Variants in RSRP1 observed in about 807,000 individuals in gnomAD.
RSRP1 encodes the protein arginine/serine-rich protein 1.
RSRP1 carries 37 observed loss-of-function variants against 33.0 expected under a neutral mutation model. The ratio of observed to expected loss-of-function variants is 1.12; its 90% CI spans 0.86 to 1.48. The LOEUF is 1.48. Ranked by LOEUF, RSRP1 falls within the 40% of genes most tolerant of loss-of-function variation. The probability of loss-of-function intolerance (pLI) is 0.00; values close to 1 mark genes in which losing one functional copy is unlikely to be tolerated. For missense variants in RSRP1, 402 were observed against 385.3 expected (o/e 1.04, Z -0.36); for synonymous variants, 167 against 158.7 (o/e 1.05, Z -0.40).
chr1:25,290,681 T>C, intron 1 of RSRP1: 1 of 1,378,564 alleles, frequency 7.3e-7, no homozygotes, highest in Non-Finnish European at 1.0e-6. Flanking sequence ...GGTGCTGATC[T>C]CAGTGGATGC....
rs996825220 is a variant in RSRP1 at position 25,270,548 on chromosome 1, C to T, written c.-66-23519G>A. Among the ~76,000 whole-genome samples, 9 of 131,954 alleles carry T rather than the reference C, an allele frequency of 6.8e-5. 2 individuals are homozygous for T. Among genetic ancestry groups the T allele is most frequent in the African/African-American group, 2.3e-4 (9 of 38,622 alleles). The allele number at this position is 131,954 out of a possible 152,430, so 86.6% of individuals were successfully genotyped here. ...GAGGTGGAACAGTTTCATCCCCAAACCATCCCTCCAACCTCACCCCGGTCC... is the reference window on the plus strand; with the variant it reads ...GAGGTGGAACAGTTTCATCCCCAAATCATCCCTCCAACCTCACCCCGGTCC... On this transcript the variant is annotated intron_variant, in intron 1 of 1. Coordinates refer to the RSRP1 transcript ENST00000561867.
chr1:25,250,016 T>C (rs1279017309), upstream of RSRP1, among the ~76,000 whole-genome samples: 1 of 152,182 alleles, frequency 6.6e-6, no homozygotes, highest in Non-Finnish European at 1.5e-5. Context: ...GGGAGACAGC[T>C]AGCGCTCAAA....
chr1:25,247,050 A>C, intron 1 of RSRP1, 21 bp from the exon 2 acceptor site: 1 of 1,341,270 alleles, frequency 7.5e-7, no homozygotes, highest in Non-Finnish European at 9.9e-7. Flanking sequence ...AAGAGAGAAA[A>C]AACAAGTCGA....
chr1:25,269,281 C>T (rs1368506451), intron 1 of RSRP1, among the ~76,000 whole-genome samples: 1 of 132,354 alleles, frequency 7.6e-6, no homozygotes, highest in Non-Finnish European at 1.8e-5. Context: ...GAGTACTGTA[C>T]GGAAAGTGAA....
At chr1:25,247,116 G>A (rs1315479060) in intron 1 of RSRP1, 87 bp from the exon 2 acceptor site, 2 of 856,204 alleles carry the variant, frequency 2.3e-6, no homozygotes, top group Admixed American at 3.5e-5. Context: ...ACCTCCGGGA[G>A]GCGGAGCCAC....
intron 1 of RSRP1, among the ~76,000 whole-genome samples, chr1:25,312,983 A>G (rs1484393037): frequency 8.7e-6 from 1 of 114,538 alleles, no homozygotes; most frequent in Non-Finnish European, 2.0e-5. Context: ...TGAATTTTGC[A>G]TGTAAGAAGG....
At chr1:25,261,397 GATTT>G (rs1319036066) in intron 1 of RSRP1, among the ~76,000 whole-genome samples, 2 of 151,092 alleles carry the variant, frequency 1.3e-5, no homozygotes, top group Admixed American at 6.6e-5. Context: ...AGAAAAATGT[GATTT>G]CTTTCTTTTT....
In RSRP1 at chr1:25,243,641, G is replaced by T; in HGVS notation, c.673-8C>A. ...TGTTACCTTTTCCGACAGCTAGACA[G>T]GTTAAGAAAAAGTGTAATTTTAAAA... On this transcript the variant is annotated splice_polypyrimidine_tract_variant and splice_region_variant and intron_variant, in intron 3 of 4. Coordinates refer to ENST00000243189, the MANE Select transcript of RSRP1 (RefSeq NM_020317.5). The T allele has an allele frequency of 6.2e-7, 1 of 1,612,822 alleles. No individual in the cohort carries two copies. Among genetic ancestry groups the T allele is most frequent in the Non-Finnish European group, 8.5e-7 (1 of 1,179,430 alleles).
intron 1 of RSRP1, among the ~76,000 whole-genome samples, chr1:25,265,444 T>C (rs1460864250): frequency 9.7e-6 from 1 of 103,288 alleles, no homozygotes; most frequent in South Asian, 2.9e-4. Flanking sequence ...TTTACGATAG[T>C]AGGCCCAACA....
intron 1 of RSRP1, among the ~76,000 whole-genome samples, chr1:25,293,734 ACTGT>A (rs1642708526): frequency 7.6e-6 from 1 of 132,088 alleles, no homozygotes; most frequent in African/African-American, 2.6e-5. Flanking sequence ...AAAATTAAAC[ACTGT>A]CTAATTTTCT....
intron 3 of RSRP1, chr1:25,244,403 A>G (rs1639172382): frequency 1.6e-6 from 2 of 1,289,410 alleles, no homozygotes; most frequent in Non-Finnish European, 2.0e-6. Context: ...TCAGTGTGTG[A>G]ACATAAACTT....
In RSRP1 at chr1:25,296,716, T is replaced by C. The variant is rs191627552; in HGVS notation, c.-67+41262A>G. On this transcript the variant is annotated intron_variant, in intron 1 of 1. Coordinates refer to the RSRP1 transcript ENST00000561867. ...GTGGGTTTTCAGGAGAGCTGATGGT[T>C]TGAAAGTGTGGCACTTCCTCTCTCT... Among the ~76,000 whole-genome samples, 159 of 127,176 alleles carry C rather than the reference T, an allele frequency of 1.3e-3. 29 individuals carry two copies. Among genetic ancestry groups the C allele is most frequent in the Admixed American group, 8.3e-3 (108 of 13,082 alleles). 83.4% of individuals were successfully genotyped at this position (127,176 alleles called of 152,430 possible). A position where few individuals can be genotyped will look rare whatever the true frequency, so the allele number is the denominator to read the frequency against.
intron 1 of RSRP1, among the ~76,000 whole-genome samples, chr1:25,262,929 A>G (rs2124564568): frequency 6.6e-6 from 1 of 152,304 alleles, no homozygotes; most frequent in Non-Finnish European, 1.5e-5. Flanking sequence ...CTAACAAATA[A>G]TGCCTTTCCA....
rs1353969839 is a variant in RSRP1, at chr1:25,276,737, T to A, written c.-66-29708A>T. Among the ~76,000 whole-genome samples, 3 of 127,826 alleles carry A rather than the reference T, an allele frequency of 2.3e-5. 1 individual carries two copies. Among genetic ancestry groups the A allele is most frequent in the African/African-American group, 8.0e-5 (3 of 37,412 alleles). The allele number at this position is 127,826 out of a possible 152,430, so 83.9% of individuals were successfully genotyped here. On this transcript the variant is annotated intron_variant, in intron 1 of 1. Coordinates refer to the RSRP1 transcript ENST00000561867. ...TCAAAAAAAATAAAAATATTTGAGG[T>A]GAAGCGAGGCTGTAATAACAAATTT...
intron 1 of RSRP1, chr1:25,272,282 T>A (rs1640551074): frequency 2.2e-6 from 1 of 449,386 alleles, no homozygotes. Context: ...TCTTTCAAAC[T>A]GAGCACAGCA....
chr1:25,324,929 TCCCA>T (rs1644890801), intron 1 of RSRP1, among the ~76,000 whole-genome samples: 1 of 109,712 alleles, frequency 9.1e-6, no homozygotes, highest in Non-Finnish European at 1.8e-5. Context: ...ATGCCTGTAA[TCCCA>T]GCTACTTGGG....
At chr1:25,265,775 G>A (rs2124566923) in intron 1 of RSRP1, among the ~76,000 whole-genome samples, 1 of 40,834 alleles carries the variant, frequency 2.4e-5, no homozygotes, top group African/African-American at 6.8e-5. Context: ...TTTTAATCAT[G>A]AAATGACACA....
upstream of RSRP1, among the ~76,000 whole-genome samples, chr1:25,248,924 A>G (rs1639677484): frequency 6.6e-6 from 1 of 152,156 alleles, no homozygotes; most frequent in Non-Finnish European, 1.5e-5. Context: ...CGAAGCGGGA[A>G]GATCACCTAA....
chr1:25,320,215 G>A (rs193088544), intron 1 of RSRP1, among the ~76,000 whole-genome samples: 3 of 131,822 alleles, frequency 2.3e-5, no homozygotes, highest in East Asian at 3.9e-4. Context: ...TCTTAAAACT[G>A]GACACAAGAA....
Sources: gnomAD v4.1 joint callset for allele counts (sites outside exome capture counted in the v4.1 genomes callset) on GRCh38, gnomAD v4.1.1 for gene constraint, MANE v1.5 for transcripts, NCBI Gene and HGNC (gene_info 2026-07-23, HGNC 2026-07-21) for gene names.